Variants in FBXL17 observed in about 807,000 individuals in gnomAD.
FBXL17 encodes F-box and leucine rich repeat protein 17.
In FBXL17, 22 loss-of-function variants were observed where a neutral mutation model predicts 66.2. That is an observed-to-expected ratio of 0.33 (90% CI 0.24 to 0.47). FBXL17 has a LOEUF of 0.47. Ranked by LOEUF, FBXL17 falls within the 20% of genes least tolerant of loss-of-function variation. The probability of loss-of-function intolerance (pLI) is 1.00; values close to 1 mark genes in which losing one functional copy is unlikely to be tolerated. For missense variants in FBXL17, 878 were observed against 948.2 expected, an observed-to-expected ratio of 0.93 and a Z score of 0.97; for synonymous variants, 474 against 400.5, an observed-to-expected ratio of 1.18 and a Z score of -2.19.
intron 6 of FBXL17, among the ~76,000 whole-genome samples, chr5:108,153,286 T>C (rs2149997975): frequency 6.6e-6 from 1 of 152,300 alleles, no homozygotes; most frequent in Non-Finnish European, 1.5e-5. Context: ...AATCTTGAAA[T>C]ATGGATCTAA....
intron 4 of FBXL17, among the ~76,000 whole-genome samples, chr5:108,269,605 T>C (rs1423824799): frequency 1.3e-5 from 2 of 152,050 alleles, no homozygotes; most frequent in East Asian, 3.9e-4. Flanking sequence ...TGGAGAAATC[T>C]GAAGGCAAGA....
intron 7 of FBXL17, among the ~76,000 whole-genome samples, chr5:107,938,735 T>G (rs1330040936): frequency 6.6e-6 from 1 of 152,164 alleles, no homozygotes; most frequent in East Asian, 1.9e-4. Flanking sequence ...ATGTTGCCCA[T>G]ATGTTATATT....
Position 107,880,696 on chromosome 5 carries a change from C to T in FBXL17, c.1965+341G>A, listed in dbSNP as rs140494492. On this transcript the variant is annotated intron_variant, in intron 8 of 8. Coordinates refer to ENST00000542267, the MANE Select transcript of FBXL17 (RefSeq NM_001163315.3). ...ACTTGAAACCCAGAATACAATTTTA[C>T]GGTTAGACCCTGCAAATTGCAGTTT... 2.0e-4 allele frequency: 254 copies of T among 1,253,120 alleles called. 1 individual carries two copies. The African/African-American group carries it at 3.4e-3, about 17-fold the overall frequency. The allele number at this position is 1,253,120 out of a possible 1,614,324, so 77.6% of individuals were successfully genotyped here.
intron 6 of FBXL17, among the ~76,000 whole-genome samples, chr5:108,140,768 C>G (rs533747226): frequency 6.6e-6 from 1 of 151,950 alleles, no homozygotes; most frequent in African/African-American, 2.4e-5. Flanking sequence ...CCCCAAAATT[C>G]GAGATGATTG....
intron 4 of FBXL17, among the ~76,000 whole-genome samples, chr5:108,226,367 T>C (rs1465129292): frequency 2.0e-5 from 3 of 152,234 alleles, no homozygotes; most frequent in Admixed American, 1.3e-4. Context: ...TCCTCCATCA[T>C]ACCTTTTACT....
intron 7 of FBXL17, among the ~76,000 whole-genome samples, chr5:107,988,790 T>C (rs1753117775): frequency 6.6e-6 from 1 of 152,042 alleles, no homozygotes; most frequent in Non-Finnish European, 1.5e-5. Context: ...GATGTTTTGT[T>C]TAGCTTAATG....
intron 4 of FBXL17, among the ~76,000 whole-genome samples, chr5:108,248,049 G>A (rs981185740): frequency 1.3e-5 from 2 of 152,100 alleles, no homozygotes; most frequent in Non-Finnish European, 2.9e-5. Flanking sequence ...AATATAGGAA[G>A]CAAAAAGAAA....
intron 2 of FBXL17, 22 bp from the exon 3 acceptor site, chr5:108,365,017 A>AT: frequency 1.3e-6 from 2 of 1,560,872 alleles, no homozygotes; most frequent in Non-Finnish European, 1.7e-6. Flanking sequence ...AAAGCAATAA[A>AT]TTTAAACTTT....
chr5:107,906,132 T>C (rs1749749564), intron 7 of FBXL17, among the ~76,000 whole-genome samples: 1 of 152,108 alleles, frequency 6.6e-6, no homozygotes, highest in African/African-American at 2.4e-5. Flanking sequence ...TTTGACCTTT[T>C]CTTGGAAACT....
chr5:108,053,495 C>A (rs542810821), intron 6 of FBXL17, among the ~76,000 whole-genome samples: 39 of 151,998 alleles, frequency 2.6e-4, no homozygotes, highest in African/African-American at 8.9e-4. Context: ...GAGTGAGACT[C>A]CATCTCAGAA....
chr5:108,189,420 T>C (rs941145865), intron 5 of FBXL17, among the ~76,000 whole-genome samples: 1 of 151,986 alleles, frequency 6.6e-6, no homozygotes, highest in African/African-American at 2.4e-5. Context: ...TGTTGTTATT[T>C]TTCATGAGAG....
chr5:108,201,853 T>TGA, intron 5 of FBXL17, among the ~76,000 whole-genome samples: 1 of 129,444 alleles, frequency 7.7e-6, no homozygotes, highest in Non-Finnish European at 1.6e-5. Flanking sequence ...AATTTGAAAG[T>TGA]AAAAAAAAAA....
intron 1 of FBXL17, among the ~76,000 whole-genome samples, 158 bp downstream of exon 1, chr5:108,380,541 C>A (rs1159058901): frequency 2.0e-5 from 3 of 152,052 alleles, no homozygotes; most frequent in South Asian, 2.1e-4. Context: ...AGGCCATAGG[C>A]AGAGGCCCCA....
Position 108,083,597 on chromosome 5 carries a change from A to T in FBXL17, c.1746-62596T>A, listed in dbSNP as rs74961934. Among the ~76,000 whole-genome samples the T allele has an allele frequency of 1.1e-3, 167 of 148,590 alleles. 1 individual carries two copies. The highest frequency in any genetic ancestry group is 4.0e-3 in the African/African-American group (162 of 40,280). ...TTTTTTTTTTTTTTTTGGTAGAGAC[A>T]GGGTTTTACCATGTTGCTCAGGTTA... On this transcript the variant is annotated intron_variant, in intron 6 of 8. Transcript: ENST00000542267.
intron 8 of FBXL17, 115 bp downstream of exon 8, chr5:107,880,922 G>A: frequency 2.0e-6 from 3 of 1,507,584 alleles, no homozygotes; most frequent in Non-Finnish European, 1.8e-6. Flanking sequence ...CATATAAAAT[G>A]TATATATAAT....
intron 7 of FBXL17, among the ~76,000 whole-genome samples, chr5:107,932,686 A>G (rs1750772851): frequency 6.6e-6 from 1 of 152,200 alleles, no homozygotes. Flanking sequence ...AAAAAATTCA[A>G]AATGAACATG....
intron 6 of FBXL17, among the ~76,000 whole-genome samples, chr5:108,141,034 GTGA>G (rs1371777126): frequency 6.6e-6 from 1 of 152,008 alleles, no homozygotes; most frequent in East Asian, 1.9e-4. Context: ...ACATGGAAAT[GTGA>G]TGATATCATT....
At chr5:108,268,947 T>C (rs1757154239) in intron 4 of FBXL17, among the ~76,000 whole-genome samples, 1 of 152,024 alleles carries the variant, frequency 6.6e-6, no homozygotes, top group African/African-American at 2.4e-5. Flanking sequence ...AAAGACTCAA[T>C]TAGAGTTGAA....
chr5:108,087,191 C>T (rs1055370880), intron 6 of FBXL17, among the ~76,000 whole-genome samples: 12 of 152,206 alleles, frequency 7.9e-5, no homozygotes, highest in African/African-American at 2.6e-4. Context: ...TTGGTAAGTG[C>T]GAGTTGTTGC....
Sources: allele counts gnomAD v4.1 joint callset (sites outside exome capture counted in the v4.1 genomes callset), GRCh38; gene constraint gnomAD v4.1.1; transcripts MANE v1.5; gene names NCBI Gene and HGNC (gene_info 2026-07-23, HGNC 2026-07-21).